The following PFDN1 variants were observed in gnomAD, a reference collection of about 807,000 sequenced individuals.
The protein encoded by PFDN1 is prefoldin subunit 1.
In PFDN1, 6 loss-of-function variants were observed where a neutral mutation model predicts 17.3. The ratio of observed to expected loss-of-function variants is 0.35; its 90% confidence interval spans 0.19 to 0.69. PFDN1 has a LOEUF of 0.69. Among genes scored for constraint, PFDN1 ranks in the 30% least tolerant of loss-of-function variants. The pLI is 0.65. For synonymous variants in PFDN1, 58 were observed against 50.1 expected, an observed-to-expected ratio of 1.16 and a Z score of -0.67; for missense variants, 113 against 146.2, an observed-to-expected ratio of 0.77 and a Z score of 1.17.
At chr5:140,290,631 C>T (rs892492964) in intron 2 of PFDN1, among the ~76,000 whole-genome samples, 21 of 152,094 alleles carry the variant, frequency 1.4e-4, no homozygotes, top group Non-Finnish European at 2.5e-4. Context: ...ATAGAAATCA[C>T]ATTAGCAGCA....
intron 3 of PFDN1, chr5:140,265,662 G>C (rs577642351): frequency 2.6e-5 from 4 of 152,226 alleles, no homozygotes; most frequent in South Asian, 4.1e-4. Flanking sequence ...AGGAAACATT[G>C]ATCTATGAAT....
At chr5:140,275,503 C>T (rs915689906) in intron 3 of PFDN1, among the ~76,000 whole-genome samples, 4 of 151,980 alleles carry the variant, frequency 2.6e-5, no homozygotes, top group African/African-American at 9.7e-5. Flanking sequence ...AGTACCCCCA[C>T]CCCTGCCTAT....
chr5:140,246,679 TGGGTCCTAAATTAAAAATCTC>T, intron 3 of PFDN1, among the ~76,000 whole-genome samples: 1 of 152,318 alleles, frequency 6.6e-6, no homozygotes, highest in African/African-American at 2.4e-5. Context: ...CTACTCCATC[TGGGTCCTAAATTAAAAATCTC>T]GGCTTAGACA....
chr5:140,296,952 T>G lies in PFDN1; in HGVS notation c.200+3464A>C, dbSNP rs114418881. On this transcript the variant is annotated intron_variant, in intron 2 of 3. Transcript: ENST00000261813. ...ACCATGAATGCAAGGCCAACAAGTT[T>G]AGATTTTATCCTGTGGACAACAGAG... Among the ~76,000 whole-genome samples the G allele has an allele frequency of 2.0e-3, 298 of 152,324 alleles. 1 individual carries two copies. Among genetic ancestry groups the G allele is most frequent in the African/African-American group, 7.0e-3 (290 of 41,576 alleles).
intron 3 of PFDN1, among the ~76,000 whole-genome samples, chr5:140,263,628 T>C (rs974251517): frequency 6.6e-5 from 10 of 152,108 alleles, no homozygotes; most frequent in Non-Finnish European, 1.5e-4. Flanking sequence ...GGGTAATTTA[T>C]AAAGAAAAGA....
intron 3 of PFDN1, among the ~76,000 whole-genome samples, 157 bp from the exon 4 acceptor site, chr5:140,246,214 C>T (rs1764827437): frequency 6.6e-6 from 1 of 152,178 alleles, no homozygotes; most frequent in Non-Finnish European, 1.5e-5. Flanking sequence ...CACAGTGCTC[C>T]CCTCACCTCC....
At chr5:140,278,617 G>A (rs1057404739) in intron 3 of PFDN1, among the ~76,000 whole-genome samples, 30 of 145,324 alleles carry the variant, frequency 2.1e-4, no homozygotes, top group African/African-American at 6.6e-4. Flanking sequence ...TCCAAACTTC[G>A]TATACAGTAA....
intron 3 of PFDN1, among the ~76,000 whole-genome samples, chr5:140,270,360 G>T (rs1253885627): frequency 6.6e-6 from 1 of 152,046 alleles, no homozygotes; most frequent in Admixed American, 6.6e-5. Flanking sequence ...GCATTCAAAG[G>T]GATAGTTGGG....
At chr5:140,278,877 G>A (rs961994461) in intron 3 of PFDN1, among the ~76,000 whole-genome samples, 4 of 152,164 alleles carry the variant, frequency 2.6e-5, no homozygotes, top group Non-Finnish European at 4.4e-5. Flanking sequence ...AGTTGTAGCA[G>A]TGGAAAAGTA....
rs7203 is a variant in PFDN1, at chr5:140,245,285, A to G, written c.*689T>C. 128,126 of 570,004 alleles carry G rather than the reference A, an allele frequency of 0.22. 14,862 individuals carry two copies. Among genetic ancestry groups the G allele is most frequent in the East Asian group, 0.28 (9,358 of 34,006 alleles). The allele number at this position is 570,004 out of a possible 1,614,324, so 35.3% of individuals were successfully genotyped here. A position where few individuals can be genotyped will look rare whatever the true frequency, so the allele number is the denominator to read the frequency against. On this transcript the variant is annotated 3_prime_UTR_variant, in exon 4 of 4. Coordinates refer to ENST00000261813, the MANE Select transcript of PFDN1 (RefSeq NM_002622.5). ...TGGCGTCCATCTTATGATATTGGCC[A>G]AAAGGAGACAGTCTTGGAGGTGCTG...
chr5:140,245,087 T>C lies in PFDN1; in HGVS notation c.*887A>G. On this transcript the variant is annotated 3_prime_UTR_variant, in exon 4 of 4. Transcript: ENST00000261813. Reference sequence around the variant, plus strand: ...AGTAATTAGGGATGCATTTTGAATATTTATTGTCCTTGTTTTTAACATAAT... The same window carrying C: ...AGTAATTAGGGATGCATTTTGAATACTTATTGTCCTTGTTTTTAACATAAT... 4.7e-6 allele frequency: 1 copy of C among 211,632 alleles called. No individual in the cohort carries two copies. Among genetic ancestry groups the C allele is most frequent in the South Asian group, 7.1e-5 (1 of 14,032 alleles). 13.1% of individuals were successfully genotyped at this position (211,632 alleles called of 1,614,324 possible). A position where few individuals can be genotyped will look rare whatever the true frequency, so the allele number is the denominator to read the frequency against.
chr5:140,286,269 C>A (rs61342141), intron 2 of PFDN1, among the ~76,000 whole-genome samples: 4 of 150,640 alleles, frequency 2.7e-5, no homozygotes, highest in African/African-American at 9.7e-5. Context: ...AAAAATTAGC[C>A]GGTGTGGTGG....
chr5:140,260,979 T>C (rs1765056685), intron 3 of PFDN1, among the ~76,000 whole-genome samples: 1 of 151,702 alleles, frequency 6.6e-6, no homozygotes, highest in Admixed American at 6.6e-5. Context: ...CTGGCCAACA[T>C]GGTGAAACCC....
chr5:140,272,955 G>T (rs1482258963), intron 3 of PFDN1, among the ~76,000 whole-genome samples: 1 of 152,120 alleles, frequency 6.6e-6, no homozygotes, highest in Non-Finnish European at 1.5e-5. Context: ...TGAACTGCTG[G>T]GCATATGTCT....
intron 2 of PFDN1, among the ~76,000 whole-genome samples, chr5:140,291,779 G>A (rs1193350162): frequency 4.6e-5 from 7 of 152,162 alleles, no homozygotes; most frequent in Non-Finnish European, 1.0e-4. Flanking sequence ...TGGACAGTGA[G>A]GTGGGAGGAA....
intron 3 of PFDN1, among the ~76,000 whole-genome samples, chr5:140,264,020 CAAAAAAAAAAAAAAAAAAA>C (rs58605224): frequency 5.6e-4 from 31 of 55,576 alleles, no homozygotes; most frequent in Non-Finnish European, 7.3e-4. Context: ...GACTCCATCT[CAAAAAAAAAAAAAAAAAAA>C]AAAAAAAAAA....
At chr5:140,249,613 AG>A (rs1482858384) in intron 3 of PFDN1, among the ~76,000 whole-genome samples, 1 of 152,106 alleles carries the variant, frequency 6.6e-6, no homozygotes, top group African/African-American at 2.4e-5. Flanking sequence ...TGAAGAAAAG[AG>A]GTTTGTTTGG....
intron 3 of PFDN1, among the ~76,000 whole-genome samples, chr5:140,269,099 A>G (rs1765170616): frequency 6.6e-6 from 1 of 152,044 alleles, no homozygotes; most frequent in African/African-American, 2.4e-5. Flanking sequence ...TGCAGCCTCA[A>G]TCACCTGGGC....
intron 2 of PFDN1, chr5:140,282,195 T>TAAAAAAAAAAAAA (rs34012371): frequency 1.9e-4 from 24 of 124,242 alleles, no homozygotes; most frequent in East Asian, 4.6e-4. Flanking sequence ...TTAAAAACAT[T>TAAAAAAAAAAAAA]AAAAAAAAAA....
Sources: gnomAD v4.1 joint callset for allele counts (sites outside exome capture counted in the v4.1 genomes callset) on GRCh38, gnomAD v4.1.1 for gene constraint, MANE v1.5 for transcripts, NCBI Gene and HGNC (gene_info 2026-07-23, HGNC 2026-07-21) for gene names.